Variants in MBNL1 observed in about 807,000 individuals in gnomAD.
The protein encoded by MBNL1 is muscleblind-like protein 1.
MBNL1 carries 8 observed loss-of-function variants against 42.2 expected under a neutral mutation model. The ratio of observed to expected loss-of-function variants is 0.19; its 90% CI spans 0.11 to 0.34. The LOEUF (loss-of-function observed/expected upper bound fraction) is 0.34. MBNL1 is among the 10% of genes least tolerant of loss of function. The pLI, the probability that MBNL1 is intolerant of heterozygous loss-of-function variation, is 1.00. For synonymous variants in MBNL1, 169 were observed against 173.9 expected, an observed-to-expected ratio of 0.97 and a Z score of 0.22; for missense variants, 309 against 495.3, an observed-to-expected ratio of 0.62 and a Z score of 3.57.
chr3:152,420,921 T>C (rs1285719724), intron 3 of MBNL1, among the ~76,000 whole-genome samples: 3 of 152,068 alleles, frequency 2.0e-5, no homozygotes, highest in Non-Finnish European at 4.4e-5. Flanking sequence ...GAGAAGAGCA[T>C]AAATGACCTG....
chr3:152,292,842 T>C (rs1196115879), intron 1 of MBNL1, among the ~76,000 whole-genome samples: 1 of 151,946 alleles, frequency 6.6e-6, no homozygotes, highest in Admixed American at 6.6e-5. Context: ...GATCATGGCT[T>C]ACTGCAGCCT....
chr3:152,447,523 G>T, intron 5 of MBNL1, 97 bp from the exon 6 acceptor site: 1 of 778,352 alleles, frequency 1.3e-6, no homozygotes, highest in African/African-American at 1.8e-5. Flanking sequence ...CTGCTTGCTT[G>T]CTCATGCTTC....
chr3:152,311,928 C>T (rs901899022), intron 2 of MBNL1, among the ~76,000 whole-genome samples: 34 of 151,528 alleles, frequency 2.2e-4, no homozygotes, highest in Admixed American at 2.2e-3. Context: ...CGGTGGCTCA[C>T]GCCTGTAATC....
intron 2 of MBNL1, among the ~76,000 whole-genome samples, chr3:152,375,725 G>C (rs1040028230): frequency 6.6e-6 from 1 of 151,970 alleles, no homozygotes; most frequent in Non-Finnish European, 1.5e-5. Context: ...AGTCTGAGGT[G>C]GGGGGATTGC....
intron 5 of MBNL1, 132 bp downstream of exon 5, chr3:152,445,671 C>A: frequency 1.1e-6 from 1 of 901,724 alleles, no homozygotes; most frequent in East Asian, 2.6e-5. Context: ...TCAGGTATCC[C>A]AGACAATATA....
At chr3:152,385,214 T>C (rs1362337001) in intron 2 of MBNL1, among the ~76,000 whole-genome samples, 1 of 152,012 alleles carries the variant, frequency 6.6e-6, no homozygotes, top group East Asian at 1.9e-4. Context: ...TAAAAAAATA[T>C]TTCTTCTTGT....
chr3:152,318,237 C>G (rs1416014866), intron 2 of MBNL1, among the ~76,000 whole-genome samples: 2 of 152,100 alleles, frequency 1.3e-5, no homozygotes, highest in Non-Finnish European at 2.9e-5. Context: ...AAACAGGTCA[C>G]CGTTGGAAGA....
rs559652394 is a variant in MBNL1 at position 152,412,263 on chromosome 3, C to A, written c.175-2678C>A. Among the ~76,000 whole-genome samples, 3 of 149,736 alleles carry A rather than the reference C, an allele frequency of 2.0e-5. No homozygotes were observed. In the East Asian group the frequency reaches 5.8e-4, roughly 29 times the overall value. ...AAGTGTATCTAATATCATTTGCAGA[C>A]ATTATTCTCTTATTTTTTCCACACA... On this transcript the variant is annotated intron_variant, in intron 2 of 9. Coordinates refer to ENST00000324210, the MANE Select transcript of MBNL1 (RefSeq NM_021038.5).
chr3:152,249,709 A>G (rs1343641617), intron 2 of MBNL1, among the ~76,000 whole-genome samples: 2,985 of 147,210 alleles, frequency 0.02, 82 homozygotes, highest in African/African-American at 0.072. Flanking sequence ...TATGTCCTGA[A>G]TGGTAATGCC....
intron 6 of MBNL1, among the ~76,000 whole-genome samples, chr3:152,449,850 A>G (rs954098163): frequency 3.9e-5 from 6 of 152,154 alleles, no homozygotes; most frequent in African/African-American, 1.4e-4. Flanking sequence ...CATGCCTGTA[A>G]TCCTAGCACT....
At chr3:152,283,782 T>C (rs997012236) in intron 1 of MBNL1, among the ~76,000 whole-genome samples, 2 of 152,254 alleles carry the variant, frequency 1.3e-5, no homozygotes, top group Non-Finnish European at 2.9e-5. Context: ...AGTGTTGATA[T>C]GCAGTGCTTT....
intron 4 of MBNL1, among the ~76,000 whole-genome samples, chr3:152,439,408 A>G (rs998408260): frequency 6.6e-6 from 1 of 152,198 alleles, no homozygotes. Context: ...GATGCTTTTA[A>G]TAATGTAGGA....
At chr3:152,452,144 C>T (rs1043948973) in intron 6 of MBNL1, among the ~76,000 whole-genome samples, 3 of 152,064 alleles carry the variant, frequency 2.0e-5, no homozygotes, top group African/African-American at 7.2e-5. Context: ...TTTCAAATTT[C>T]GATATATACT....
chr3:152,405,713 G>A (rs894279257), intron 2 of MBNL1, among the ~76,000 whole-genome samples: 1 of 152,094 alleles, frequency 6.6e-6, no homozygotes, highest in African/African-American at 2.4e-5. Context: ...AATAGAGACA[G>A]TCATACTGTA....
intron 1 of MBNL1, among the ~76,000 whole-genome samples, chr3:152,293,911 T>C (rs1254184258): frequency 6.6e-6 from 1 of 152,124 alleles, no homozygotes; most frequent in African/African-American, 2.4e-5. Context: ...CTTTATCTTC[T>C]ATAGCAGTAG....
chr3:152,338,576 C>A, intron 2 of MBNL1: 1 of 985,324 alleles, frequency 1.0e-6, no homozygotes, highest in Non-Finnish European at 1.2e-6. Context: ...TGGGATTTCT[C>A]CAAGCCCCTA....
intron 4 of MBNL1, among the ~76,000 whole-genome samples, chr3:152,440,189 A>G (rs965006260): frequency 1.3e-5 from 2 of 152,262 alleles, no homozygotes; most frequent in African/African-American, 4.8e-5. Context: ...TAACAGAAAT[A>G]CTATGAGGTA....
chr3:152,402,758 C>G (rs951816353), intron 2 of MBNL1, among the ~76,000 whole-genome samples: 2 of 152,090 alleles, frequency 1.3e-5, no homozygotes, highest in African/African-American at 4.8e-5. Flanking sequence ...AGTTTATGGA[C>G]CCTGAAAGAG....
intron 2 of MBNL1, among the ~76,000 whole-genome samples, chr3:152,404,438 T>C (rs978083638): frequency 6.6e-6 from 1 of 152,182 alleles, no homozygotes; most frequent in African/African-American, 2.4e-5. Context: ...ATAAGTGTTA[T>C]CACTTTAGAG....
Sources: gnomAD v4.1 joint callset for allele counts (sites outside exome capture counted in the v4.1 genomes callset) on GRCh38, gnomAD v4.1.1 for gene constraint, MANE v1.5 for transcripts, NCBI Gene and HGNC (gene_info 2026-07-23, HGNC 2026-07-21) for gene names.